Variants in KARS1 observed in about 807,000 individuals in gnomAD.
The protein encoded by KARS1 is lysyl-tRNA synthetase 1, also known as lysine--tRNA ligase.
A neutral mutation model predicts 63.9 loss-of-function variants in KARS1; 50 were observed. That is an observed-to-expected ratio of 0.78 (90% confidence interval 0.62 to 0.99). KARS1 has a LOEUF of 0.99. Ranked by LOEUF, KARS1 falls within the 50% of genes least tolerant of loss-of-function variation. The pLI is 0.00. For missense variants in KARS1, 816 were observed against 754.5 expected (o/e 1.08, Z -0.95); for synonymous variants, 320 against 264.6 (o/e 1.21, Z -2.03).
Position 75,640,055 on chromosome 16 carries a change from G to A in KARS1, c.388+129C>T, listed in dbSNP as rs16941516. The stretch of plus-strand genomic sequence containing the variant: ...CTTTCTGTATAGATATAATGGCACT[G>A]TCCTTAGTAAAGTAGCTTCAGACAC... On this transcript the variant is annotated intron_variant, in intron 3 of 13. Coordinates refer to ENST00000302445, the MANE Select transcript of KARS1 (RefSeq NM_005548.3). 0.025 allele frequency: 19,787 copies of A among 784,530 alleles called. 428 individuals are homozygous for A. The highest frequency in any genetic ancestry group is 0.065 in the South Asian group (4,661 of 71,644). The allele number at this position is 784,530 out of a possible 1,614,324, so 48.6% of individuals were successfully genotyped here. A position where few individuals can be genotyped will look rare whatever the true frequency, so the allele number is the denominator to read the frequency against.
rs750104318 is a variant in KARS1, at chr16:75,641,693, C to T, written c.93G>A (p.Lys31=). 1 of 1,613,982 alleles carries T rather than the reference C, an allele frequency of 6.2e-7. No individual in the cohort carries two copies. Among genetic ancestry groups the T allele is most frequent in the Non-Finnish European group, 8.5e-7 (1 of 1,180,040 alleles). ...GTTTGGCCTCCTTCTCTGCTACTTT[C>T]TTCTCAGCTTTCAGGCGTCTCTTCA... ...NELKRRLKAE[K]KVAEKEAKQK... The change falls in exon 2 of 14, where the codon AAG becomes AAA. Residue 31 remains lysine (K), a synonymous_variant. Transcript: ENST00000302445.
chr16:75,628,079 T>C, intron 13 of KARS1, 86 bp from the exon 14 acceptor site: 2 of 830,874 alleles, frequency 2.4e-6, no homozygotes, highest in Non-Finnish European at 4.3e-6. Flanking sequence ...TTGCCTCTGT[T>C]GTTACCACCA....
rs761660626 is a variant in KARS1, at chr16:75,635,678, A to T, written c.795+2T>A. On this transcript the variant is annotated splice_donor_variant, in intron 6 of 13. Transcript: ENST00000302445. LOFTEE classifies it high-confidence loss of function. ...TCACGTCAGGCAAGGAACTCTCCTT[A>T]CCTCTAGGAATCCCAGCTCATCTAA... 6.2e-7 allele frequency: 1 copy of T among 1,613,670 alleles called. No homozygotes were observed. The highest frequency in any genetic ancestry group is 1.3e-5 in the African/African-American group (1 of 75,048).
At chr16:75,630,378 T>C (rs1342838705) in intron 11 of KARS1, 45 bp downstream of exon 11, 1 of 1,184,092 alleles carries the variant, frequency 8.4e-7, no homozygotes, top group African/African-American at 1.5e-5. Context: ...TTAACACCAC[T>C]AAGTTTTGGG....
chr16:75,644,337 T>C (rs777726963), intron 1 of KARS1: 2 of 1,610,012 alleles, frequency 1.2e-6, no homozygotes, highest in South Asian at 2.2e-5. Flanking sequence ...AGGAGCAAGT[T>C]GACCCAGTCG....
rs11557669 is a variant in KARS1 at position 75,640,298 on chromosome 16, C to G, written c.274G>C (p.Glu92Gln). The G allele has an allele frequency of 4.7e-4, 760 of 1,613,634 alleles. 1 individual carries two copies. The highest frequency in any genetic ancestry group is 5.8e-4 in the Non-Finnish European group (688 of 1,179,884). ...TGGAACTTGTGTGGGTATGGGTCTT[C>G]CCCATTGACCTTCAGCTGATGAATT... Reference protein sequence around the residue: ...QAIHQLKVNGEDPYPHKFHVD... With the variant: ...QAIHQLKVNGQDPYPHKFHVD... Residue 92 changes from glutamate (E) to glutamine (Q), a missense_variant, in exon 3 of 14, where the codon GAA becomes CAA. By Grantham distance (29) the Glu-to-Gln change is conservative. Coordinates refer to ENST00000302445, the MANE Select transcript of KARS1 (RefSeq NM_005548.3).
chr16:75,640,452 T>C, intron 2 of KARS1, 103 bp from the exon 3 acceptor site: 1 of 1,064,624 alleles, frequency 9.4e-7, no homozygotes, highest in Non-Finnish European at 1.4e-6. Context: ...GTGACCCCAA[T>C]ACATTGTTTT....
chr16:75,630,546 T>C (rs1233623667), intron 10 of KARS1, 38 bp from the exon 11 acceptor site: 1 of 1,321,180 alleles, frequency 7.6e-7, no homozygotes, highest in South Asian at 1.2e-5. Flanking sequence ...TCACCATTTC[T>C]GAATAGTATT....
rs1217362607 is a variant in KARS1 at position 75,641,485 on chromosome 16, T to TC, written c.222+78dup. On this transcript the variant is annotated intron_variant, in intron 2 of 13. Transcript: ENST00000302445. The stretch of plus-strand genomic sequence containing the variant: ...TCAGGCGTACTGGTCCCTCCTACTG[T>TC]CCAGTCCCAAAGAATCTGCCAGAAG... 3 of 1,273,250 alleles carry TC rather than the reference T, an allele frequency of 2.4e-6. No homozygotes were observed. The East Asian group carries it at 7.2e-5, about 31-fold the overall frequency. The allele number at this position is 1,273,250 out of a possible 1,614,324, so 78.9% of individuals were successfully genotyped here.
chr16:75,642,528 C>G (rs116801062), intron 1 of KARS1, among the ~76,000 whole-genome samples: 1,634 of 152,094 alleles, frequency 0.011, 34 homozygotes, highest in African/African-American at 0.038. Flanking sequence ...CATGATAAGG[C>G]AACATCTCCA....
intron 12 of KARS1, 121 bp from the exon 13 acceptor site, chr16:75,628,833 G>A: frequency 9.8e-7 from 1 of 1,019,050 alleles, no homozygotes; most frequent in Non-Finnish European, 1.5e-6. Flanking sequence ...CTGACACTCA[G>A]GACTTGCTGG....
Position 75,629,533 on chromosome 16 carries a change from G to C in KARS1, c.1433C>G (p.Ser478Cys). Residue 478 changes from serine (S) to cysteine (C), a missense_variant, in exon 12 of 14, where the codon TCT becomes TGT. Coordinates refer to ENST00000302445, the MANE Select transcript of KARS1 (RefSeq NM_005548.3). The part of the protein sequence containing the change: ...IMSPLAKWHR[S>C]KEGLTERFEL... ...AAAGCGCTCAGTCAGACCCTCTTTA[G>C]AGCGGTGCCTAGGGACAGGAGACCA... The C allele has an allele frequency of 1.2e-6, 2 of 1,614,092 alleles. No individual in the cohort carries two copies. The highest frequency in any genetic ancestry group is 3.3e-5 in the Admixed American group (2 of 60,032).
intron 7 of KARS1, among the ~76,000 whole-genome samples, chr16:75,632,186 G>A (rs924765822): frequency 4.6e-5 from 7 of 152,194 alleles, no homozygotes; most frequent in East Asian, 3.9e-4. Context: ...CACCGCGCCC[G>A]GCCCCATGAC....
chr16:75,635,860 T>A, intron 5 of KARS1, 52 bp downstream of exon 5: 1 of 1,614,108 alleles, frequency 6.2e-7, no homozygotes, highest in East Asian at 2.2e-5. Context: ...AAAGGTATGA[T>A]AAAACAAACA....
At chr16:75,643,958 A>G (rs2082252975) in intron 1 of KARS1, among the ~76,000 whole-genome samples, 1 of 152,250 alleles carries the variant, frequency 6.6e-6, no homozygotes, top group Admixed American at 6.5e-5. Context: ...CACTAAGACT[A>G]GAAACCAAAT....
intron 12 of KARS1, 79 bp downstream of exon 12, chr16:75,629,336 T>C (rs2082084498): frequency 5.7e-6 from 9 of 1,569,176 alleles, no homozygotes; most frequent in Admixed American, 5.0e-5. Context: ...CAAGAACGTA[T>C]ACGCTGACAC....
intron 1 of KARS1, chr16:75,644,266 A>T: frequency 6.3e-7 from 1 of 1,585,710 alleles, no homozygotes. Context: ...GCAATAAAGA[A>T]GGTAATGGGC....
intron 2 of KARS1, 59 bp from the exon 3 acceptor site, chr16:75,640,408 G>T: frequency 6.5e-7 from 1 of 1,549,316 alleles, no homozygotes; most frequent in Non-Finnish European, 8.9e-7. Context: ...GACCAGTGGG[G>T]CCCACCTAGC....
intron 6 of KARS1, among the ~76,000 whole-genome samples, chr16:75,634,671 G>C (rs1210441830): frequency 6.6e-6 from 1 of 152,164 alleles, no homozygotes; most frequent in Non-Finnish European, 1.5e-5. Flanking sequence ...CGCCTCCTGG[G>C]TTCACACCAT....
Sources: gnomAD v4.1 joint callset for allele counts (sites outside exome capture counted in the v4.1 genomes callset) on GRCh38, gnomAD v4.1.1 for gene constraint, MANE v1.5 for transcripts, NCBI Gene and HGNC (gene_info 2026-07-23, HGNC 2026-07-21) for gene names.